CCDC102B: variants seen among roughly 807,000 people sequenced by gnomAD.
The protein encoded by CCDC102B is coiled-coil domain-containing protein 102B.
CCDC102B carries 75 observed loss-of-function variants against 57.4 expected under a neutral mutation model. The observed-to-expected ratio is 1.31, with a 90% CI of 1.08 to 1.58. The LOEUF (loss-of-function observed/expected upper bound fraction) is 1.58. Ranked by LOEUF, CCDC102B falls within the 40% of genes most tolerant of loss-of-function variation. The pLI is 0.00. For synonymous variants in CCDC102B, 206 were observed against 201.9 expected (o/e 1.02, Z -0.17); for missense variants, 636 against 582.6 (o/e 1.09, Z -0.94).
chr18:68,764,984 C>A (rs1464546403), intron 2 of CCDC102B, among the ~76,000 whole-genome samples: 1 of 151,374 alleles, frequency 6.6e-6, no homozygotes, highest in Non-Finnish European at 1.5e-5. Flanking sequence ...GAGTTCGAGG[C>A]TGCAGTGAGT....
intron 6 of CCDC102B, among the ~76,000 whole-genome samples, chr18:69,009,831 T>C (rs2051453780): frequency 6.6e-6 from 1 of 151,376 alleles, no homozygotes; most frequent in South Asian, 2.1e-4. Context: ...CAGCATGTTT[T>C]AGGAAACCAA....
chr18:69,042,224 A>G (rs975317612), intron 7 of CCDC102B, among the ~76,000 whole-genome samples: 13 of 152,146 alleles, frequency 8.5e-5, no homozygotes, highest in African/African-American at 3.1e-4. Context: ...ATTGAATTAC[A>G]TATTAAACAC....
chr18:68,811,432 T>C (rs991813073), intron 1 of CCDC102B, among the ~76,000 whole-genome samples: 2 of 152,122 alleles, frequency 1.3e-5, no homozygotes, highest in Admixed American at 6.5e-5. Flanking sequence ...CTGGCCAACA[T>C]GGCAAAACCC....
chr18:68,928,117 T>G (rs913826522), intron 6 of CCDC102B, among the ~76,000 whole-genome samples: 42 of 152,068 alleles, frequency 2.8e-4, no homozygotes, highest in Middle Eastern at 3.4e-3. Context: ...GTGATTATAC[T>G]GTATTCAAAG....
intron 3 of CCDC102B, among the ~76,000 whole-genome samples, chr18:68,839,257 T>C (rs2037518511): frequency 6.6e-6 from 1 of 152,184 alleles, no homozygotes; most frequent in Non-Finnish European, 1.5e-5. Flanking sequence ...CATCTTGGAC[T>C]TGGTCAGTAA....
At chr18:68,838,027 T>C (rs1479965486) in intron 2 of CCDC102B, among the ~76,000 whole-genome samples, 1 of 152,188 alleles carries the variant, frequency 6.6e-6, no homozygotes, top group Non-Finnish European at 1.5e-5. Flanking sequence ...TGACTATTCA[T>C]TGAGATTTTA....
intron 6 of CCDC102B, among the ~76,000 whole-genome samples, chr18:68,910,398 G>A (rs2040798636): frequency 6.6e-6 from 1 of 152,214 alleles, no homozygotes; most frequent in Non-Finnish European, 1.5e-5. Context: ...AGAATTGGCA[G>A]ATATACACTA....
intron 6 of CCDC102B, among the ~76,000 whole-genome samples, chr18:68,933,260 A>G (rs2041739258): frequency 6.6e-6 from 1 of 151,894 alleles, no homozygotes; most frequent in Non-Finnish European, 1.5e-5. Flanking sequence ...TGAATTGTTT[A>G]TCCACAACCT....
chr18:69,007,366 G>T (rs1387303496), intron 6 of CCDC102B, among the ~76,000 whole-genome samples: 1 of 152,160 alleles, frequency 6.6e-6, no homozygotes, highest in Admixed American at 6.5e-5. Flanking sequence ...CAAAGTCTCA[G>T]ATTGTTGTTG....
At chr18:68,881,907 T>G (rs1037383352) in intron 5 of CCDC102B, among the ~76,000 whole-genome samples, 1 of 152,172 alleles carries the variant, frequency 6.6e-6, no homozygotes, top group Admixed American at 6.5e-5. Context: ...TGTTATAAAT[T>G]TATTTGTACA....
downstream of CCDC102B, among the ~76,000 whole-genome samples, chr18:69,056,691 G>A (rs1331341541): frequency 1.2e-5 from 1 of 82,382 alleles, no homozygotes; most frequent in African/African-American, 3.3e-5. Flanking sequence ...ATAGGATAGA[G>A]ATTGATAGAT....
At chr18:68,956,113 G>A (rs2049839646) in intron 6 of CCDC102B, among the ~76,000 whole-genome samples, 3 of 151,030 alleles carry the variant, frequency 2.0e-5, no homozygotes. Flanking sequence ...ATGACCTCCA[G>A]TTCCACCCAT....
At chr18:68,890,275 G>T (rs2040028059) in intron 5 of CCDC102B, among the ~76,000 whole-genome samples, 1 of 150,570 alleles carries the variant, frequency 6.6e-6, no homozygotes, top group South Asian at 2.1e-4. Context: ...TCATGTTTCT[G>T]CCCAGGCTGG....
At chr18:68,801,975 G>A (rs559282766) in intron 1 of CCDC102B, among the ~76,000 whole-genome samples, 1 of 152,160 alleles carries the variant, frequency 6.6e-6, no homozygotes, top group African/African-American at 2.4e-5. Flanking sequence ...TTGAACAAGC[G>A]TTTCTTCTCT....
intron 7 of CCDC102B, among the ~76,000 whole-genome samples, chr18:69,018,732 A>ATT (rs149724574): frequency 0.018 from 2,736 of 151,594 alleles, 85 homozygotes; most frequent in African/African-American, 0.062. Context: ...TTGCCTTTTC[A>ATT]TTTTCTTTTT....
intron 7 of CCDC102B, among the ~76,000 whole-genome samples, chr18:69,038,729 A>G (rs1259287682): frequency 6.6e-6 from 1 of 151,914 alleles, no homozygotes. Context: ...ACTGATTTAC[A>G]TATTCTATAT....
rs1423088174 is a variant in CCDC102B at position 68,838,841 on chromosome 18, C to A, written c.742C>A (p.Leu248Met). 6.2e-7 allele frequency: 1 copy of A among 1,613,924 alleles called. No homozygotes were observed. The highest frequency in any genetic ancestry group is 1.7e-5 in the Admixed American group (1 of 60,000). Reference protein sequence around the residue: ...KTGLRLKAINLPLENEVTEIS... With the variant: ...KTGLRLKAINMPLENEVTEIS... Reference sequence around the variant, plus strand: ...TGGGCTGAGACTGAAAGCAATAAATCTGCCTTTGGAAAATGAAGTAACTGA... The same window carrying A: ...TGGGCTGAGACTGAAAGCAATAAATATGCCTTTGGAAAATGAAGTAACTGA... The change falls in exon 3 of 8, where the codon CTG becomes ATG. Residue 248 changes from leucine to methionine, a missense_variant. Physicochemically the swap from Leu to Met is conservative, Grantham distance 15. Transcript: ENST00000360242.
intron 6 of CCDC102B, among the ~76,000 whole-genome samples, chr18:68,957,562 T>TTG (rs1555733503): frequency 6.6e-6 from 1 of 151,162 alleles, no homozygotes; most frequent in African/African-American, 2.4e-5. Context: ...TTCCAGTTTT[T>TTG]TTTTTTTTTT....
chr18:69,030,789 G>A (rs376477724), intron 7 of CCDC102B, among the ~76,000 whole-genome samples: 108 of 152,132 alleles, frequency 7.1e-4, no homozygotes, highest in African/African-American at 2.5e-3. Flanking sequence ...TGCGTAGCTG[G>A]GACTACAGGT....
Sources: gnomAD v4.1 joint callset for allele counts (sites outside exome capture counted in the v4.1 genomes callset) on GRCh38, gnomAD v4.1.1 for gene constraint, MANE v1.5 for transcripts, NCBI Gene and HGNC (gene_info 2026-07-23, HGNC 2026-07-21) for gene names.